The following ADAM12 variants were observed in gnomAD, a reference collection of about 807,000 sequenced individuals.
ADAM12 encodes ADAM metallopeptidase domain 12, also known as disintegrin and metalloproteinase domain-containing protein 12.
In ADAM12, 70 loss-of-function variants were observed where a neutral mutation model predicts 106.4. The ratio of observed to expected loss-of-function variants is 0.66; its 90% CI spans 0.54 to 0.80. The LOEUF (loss-of-function observed/expected upper bound fraction) is 0.80, where lower values mean the gene tolerates loss of function less well. ADAM12 is among the 30% of genes least tolerant of loss of function. The pLI, the probability that ADAM12 is intolerant of heterozygous loss-of-function variation, is 0.00. For synonymous variants in ADAM12, 420 were observed against 433.5 expected (o/e 0.97, Z 0.39); for missense variants, 1,010 against 1,171.9 (o/e 0.86, Z 2.02).
chr10:126,381,277 C>G (rs942959282), intron 1 of ADAM12, among the ~76,000 whole-genome samples: 1 of 152,050 alleles, frequency 6.6e-6, no homozygotes, highest in Admixed American at 6.6e-5. Context: ...TCTAAATGTA[C>G]ATGGCGGAGT....
At chr10:126,384,258 G>A (rs1325173153) in intron 1 of ADAM12, among the ~76,000 whole-genome samples, 3 of 152,148 alleles carry the variant, frequency 2.0e-5, no homozygotes, top group Non-Finnish European at 4.4e-5. Context: ...AAGAATACGA[G>A]CTTGTAAAAA....
intron 1 of ADAM12, among the ~76,000 whole-genome samples, chr10:126,334,777 C>A (rs1414754172): frequency 6.6e-6 from 1 of 152,130 alleles, no homozygotes; most frequent in African/African-American, 2.4e-5. Context: ...CAAGTCCACA[C>A]CACCCTGATG....
At chr10:126,144,997 C>T (rs2133699824) in intron 4 of ADAM12, among the ~76,000 whole-genome samples, 1 of 152,320 alleles carries the variant, frequency 6.6e-6, no homozygotes. Context: ...ATCTTACAGC[C>T]TGCCCTTTCC....
intron 11 of ADAM12, among the ~76,000 whole-genome samples, chr10:126,082,445 C>T (rs1020138065): frequency 1.2e-3 from 172 of 145,226 alleles, no homozygotes; most frequent in African/African-American, 4.2e-3. Context: ...CTCGGCTCAC[C>T]GTAACTTCCG....
intron 3 of ADAM12, among the ~76,000 whole-genome samples, chr10:126,213,208 G>A (rs1052605276): frequency 6.6e-6 from 1 of 152,150 alleles, no homozygotes; most frequent in Non-Finnish European, 1.5e-5. Context: ...AACCTTATTT[G>A]TGTTCTGGCA....
chr10:126,061,368 G>C (rs1259279889), intron 14 of ADAM12, among the ~76,000 whole-genome samples: 1 of 152,200 alleles, frequency 6.6e-6, no homozygotes, highest in Non-Finnish European at 1.5e-5. Context: ...TTATTTTACA[G>C]ATGAGGCATA....
chr10:126,188,661 C>T (rs1415112089), intron 3 of ADAM12, among the ~76,000 whole-genome samples: 2 of 152,130 alleles, frequency 1.3e-5, no homozygotes, highest in East Asian at 3.9e-4. Flanking sequence ...TTATTTGATC[C>T]CATGACATAT....
chr10:126,047,177 C>T (rs1004627169), intron 16 of ADAM12, among the ~76,000 whole-genome samples: 10 of 152,208 alleles, frequency 6.6e-5, no homozygotes, highest in South Asian at 2.1e-4. Flanking sequence ...TTTACAAATC[C>T]GTGGAGTCAA....
intron 2 of ADAM12, among the ~76,000 whole-genome samples, chr10:126,286,326 G>C (rs1344867721): frequency 6.6e-6 from 1 of 152,054 alleles, no homozygotes; most frequent in Non-Finnish European, 1.5e-5. Context: ...AAGATTTGGG[G>C]TCAACAGCCA....
At chr10:126,208,342 C>T (rs1327055043) in intron 3 of ADAM12, among the ~76,000 whole-genome samples, 2 of 152,104 alleles carry the variant, frequency 1.3e-5, no homozygotes, top group Admixed American at 6.5e-5. Flanking sequence ...AGTGCAGCCC[C>T]CAGCAACAAA....
At chr10:126,327,949 T>C (rs1854363799) in intron 2 of ADAM12, among the ~76,000 whole-genome samples, 1 of 152,182 alleles carries the variant, frequency 6.6e-6, no homozygotes, top group South Asian at 2.1e-4. Flanking sequence ...TTCCATGCTC[T>C]AGACACACCT....
intron 1 of ADAM12, among the ~76,000 whole-genome samples, chr10:126,384,998 A>G (rs1342847365): frequency 6.6e-6 from 1 of 152,046 alleles, no homozygotes; most frequent in Non-Finnish European, 1.5e-5. Context: ...GGGGTCCACA[A>G]CCCCCTTCTC....
chr10:126,361,678 T>TGATAGAAAA (rs1392909678), intron 1 of ADAM12, among the ~76,000 whole-genome samples: 2 of 152,106 alleles, frequency 1.3e-5, no homozygotes, highest in Non-Finnish European at 2.9e-5. Context: ...CAAGGATACA[T>TGATAGAAAA]GATAGAAAAA....
At chr10:126,024,862 AGC>A (rs967101839) in intron 21 of ADAM12, among the ~76,000 whole-genome samples, 1 of 150,932 alleles carries the variant, frequency 6.6e-6, no homozygotes, top group African/African-American at 2.4e-5. Flanking sequence ...AAAAAAAAAA[AGC>A]AGGGTGAGGC....
At chr10:126,221,152 G>A (rs1958083719) in intron 3 of ADAM12, among the ~76,000 whole-genome samples, 1 of 152,186 alleles carries the variant, frequency 6.6e-6, no homozygotes. Flanking sequence ...GGGAAGCTGA[G>A]GCAGGCAGGT....
intron 2 of ADAM12, among the ~76,000 whole-genome samples, chr10:126,297,646 G>A (rs1960443277): frequency 6.6e-6 from 1 of 152,196 alleles, no homozygotes; most frequent in Non-Finnish European, 1.5e-5. Context: ...TTTGTTTCTG[G>A]TAATGACAGT....
intron 2 of ADAM12, among the ~76,000 whole-genome samples, chr10:126,304,878 C>T (rs1315134661): frequency 6.6e-6 from 1 of 151,666 alleles, no homozygotes; most frequent in African/African-American, 2.4e-5. Flanking sequence ...TGAACTAAAA[C>T]CACAATGAGA....
At chr10:126,315,478 C>T (rs146523517) in intron 2 of ADAM12, among the ~76,000 whole-genome samples, 1 of 152,204 alleles carries the variant, frequency 6.6e-6, no homozygotes, top group East Asian at 1.9e-4. Flanking sequence ...CCGATGGCTC[C>T]TTATAACCCT....
intron 3 of ADAM12, among the ~76,000 whole-genome samples, chr10:126,203,936 G>A (rs912236019): frequency 4.4e-5 from 4 of 91,322 alleles, no homozygotes; most frequent in African/African-American, 6.1e-5. Flanking sequence ...GTGCGCGCGC[G>A]CGCGTGTGTG....
Sources: gnomAD v4.1 joint callset for allele counts (sites outside exome capture counted in the v4.1 genomes callset) on GRCh38, gnomAD v4.1.1 for gene constraint, MANE v1.5 for transcripts, NCBI Gene and HGNC (gene_info 2026-07-23, HGNC 2026-07-21) for gene names.